ANKRD44: variants seen among roughly 807,000 people sequenced by gnomAD.
ANKRD44 encodes ankyrin repeat domain 44, also known as serine/threonine-protein phosphatase 6 regulatory ankyrin repeat subunit B.
Under a neutral mutation model 116.0 loss-of-function variants are expected in ANKRD44, and 35 were observed. That is an observed-to-expected ratio of 0.30 (90% confidence interval 0.23 to 0.40). The LOEUF (loss-of-function observed/expected upper bound fraction) is 0.40, where lower values mean the gene tolerates loss of function less well. Ranked by LOEUF, ANKRD44 falls within the 10% of genes least tolerant of loss-of-function variation. The pLI, the probability that ANKRD44 is intolerant of heterozygous loss-of-function variation, is 1.00. For synonymous variants in ANKRD44, 435 were observed against 461.8 expected (o/e 0.94, Z 0.74); for missense variants, 1,014 against 1,242.6 (o/e 0.82, Z 2.77).
chr2:197,075,676 A>G (rs1213807049), intron 16 of ANKRD44, among the ~76,000 whole-genome samples: 1 of 152,208 alleles, frequency 6.6e-6, no homozygotes, highest in Non-Finnish European at 1.5e-5. Context: ...CTAATTAAAT[A>G]TAAGTCTGTA....
At chr2:197,014,177 G>T (rs1012813241) in intron 17 of ANKRD44, among the ~76,000 whole-genome samples, 5 of 152,164 alleles carry the variant, frequency 3.3e-5, no homozygotes, top group Non-Finnish European at 7.3e-5. Context: ...TACAACAGAG[G>T]CATGTAGATG....
Position 197,125,873 on chromosome 2 carries a change from T to C in ANKRD44, c.426A>G (p.Thr142=). The change falls in exon 5 of 28, where the codon ACA becomes ACG. Residue 142 remains threonine (T), a synonymous_variant. Coordinates refer to ENST00000282272, the MANE Select transcript of ANKRD44 (RefSeq NM_001195144.2). ...CGTTCAGAGCCGCATGGTGCAAGGC[T>C]GTGCGCCCCCCTCGGTCGGAGACAT... ...SVNVSDRGGR[T]ALHHAALNGH... 3 of 1,614,198 alleles carry C rather than the reference T, an allele frequency of 1.9e-6. No individual in the cohort carries two copies. Among genetic ancestry groups the C allele is most frequent in the Non-Finnish European group, 2.5e-6 (3 of 1,180,044 alleles).
chr2:197,296,556 C>T (rs1405264094), intron 1 of ANKRD44: 1 of 152,192 alleles, frequency 6.6e-6, no homozygotes, highest in Admixed American at 6.5e-5. Flanking sequence ...CTCCTTCCCG[C>T]TCCTAATTCC....
At chr2:197,310,472 G>A (rs1242380215) in intron 1 of ANKRD44, 106 bp downstream of exon 1, 1 of 814,606 alleles carries the variant, frequency 1.2e-6, no homozygotes. Context: ...CCTTCGCCGC[G>A]AGTAAACAGC....
At chr2:197,207,363 A>G (rs555436357) in intron 1 of ANKRD44, among the ~76,000 whole-genome samples, 1 of 152,302 alleles carries the variant, frequency 6.6e-6, no homozygotes, top group South Asian at 2.1e-4. Context: ...CTTTTAGTCT[A>G]TCCCAGTGTA....
chr2:197,232,587 T>G (rs1048856875), intron 1 of ANKRD44, among the ~76,000 whole-genome samples: 4 of 152,228 alleles, frequency 2.6e-5, no homozygotes, highest in Non-Finnish European at 4.4e-5. Flanking sequence ...CAATTGTTTT[T>G]GAAAATCTCT....
At chr2:197,092,463 T>C (rs1168520247) in intron 10 of ANKRD44, among the ~76,000 whole-genome samples, 1 of 152,226 alleles carries the variant, frequency 6.6e-6, no homozygotes, top group Non-Finnish European at 1.5e-5. Context: ...AGACATTTCA[T>C]GGTATTCAGG....
chr2:197,287,143 T>A (rs2083429417), intron 1 of ANKRD44, among the ~76,000 whole-genome samples: 1 of 152,082 alleles, frequency 6.6e-6, no homozygotes, highest in Admixed American at 6.5e-5. Context: ...AATGTACCAC[T>A]CTAGTGGGGA....
intron 1 of ANKRD44, among the ~76,000 whole-genome samples, chr2:197,267,016 C>T (rs189782221): frequency 2.4e-4 from 36 of 152,302 alleles, no homozygotes; most frequent in African/African-American, 7.9e-4. Flanking sequence ...AACATATTCT[C>T]AGCACCTAGA....
intron 1 of ANKRD44, among the ~76,000 whole-genome samples, chr2:197,307,424 T>G (rs1366836): frequency 0.48 from 72,272 of 151,624 alleles, 18,332 homozygotes; most frequent in African/African-American, 0.66. Flanking sequence ...AAGGCTGCAA[T>G]AAAAATTATG....
intron 1 of ANKRD44, among the ~76,000 whole-genome samples, chr2:197,251,870 T>C (rs1289925950): frequency 6.6e-6 from 1 of 152,242 alleles, no homozygotes; most frequent in African/African-American, 2.4e-5. Context: ...TATAAAAATA[T>C]GAAAACGAAG....
At chr2:197,128,507 G>A (rs1267196894) in intron 4 of ANKRD44, among the ~76,000 whole-genome samples, 1 of 152,140 alleles carries the variant, frequency 6.6e-6, no homozygotes, top group African/African-American at 2.4e-5. Context: ...TGATAAATTT[G>A]TGTAAGTTCC....
rs374313668 is a variant in ANKRD44, at chr2:197,305,967, T to TTATATATATATATATATATA, written c.27+4591_27+4610dup. Among the ~76,000 whole-genome samples the TTATATATATATATATATATA allele has an allele frequency of 7.1e-4, 88 of 124,706 alleles. 1 individual carries two copies. Among genetic ancestry groups the TTATATATATATATATATATA allele is most frequent in the Admixed American group, 1.8e-3 (24 of 13,014 alleles). The allele number at this position is 124,706 out of a possible 152,430, so 81.8% of individuals were successfully genotyped here. A position where few individuals can be genotyped will look rare whatever the true frequency, so the allele number is the denominator to read the frequency against. On this transcript the variant is annotated intron_variant, in intron 1 of 27. Coordinates refer to ENST00000282272, the MANE Select transcript of ANKRD44 (RefSeq NM_001195144.2). ...TTTCCTATAATGACCGCAGTTCGTT[T>TTATATATATATATATATATA]TATATATATATATATATATATATAT...
At chr2:197,308,709 T>A (rs978716748) in intron 1 of ANKRD44, among the ~76,000 whole-genome samples, 5 of 152,238 alleles carry the variant, frequency 3.3e-5, no homozygotes, top group Admixed American at 6.5e-5. Context: ...AAAGGCAACA[T>A]CTTTGAAATT....
intron 8 of ANKRD44, among the ~76,000 whole-genome samples, chr2:197,115,807 GA>G: frequency 6.6e-6 from 1 of 152,312 alleles, no homozygotes; most frequent in African/African-American, 2.4e-5. Flanking sequence ...TGGCTCTATG[GA>G]AATGTTAGAT....
chr2:197,007,155 CAT>C (rs2076216366), intron 20 of ANKRD44, among the ~76,000 whole-genome samples: 1 of 150,604 alleles, frequency 6.6e-6, no homozygotes, highest in African/African-American at 2.4e-5. Flanking sequence ...CCACAGGATA[CAT>C]ATTTTGGCAT....
At chr2:197,257,928 A>G (rs912470710) in intron 1 of ANKRD44, among the ~76,000 whole-genome samples, 2 of 151,954 alleles carry the variant, frequency 1.3e-5, no homozygotes, top group Non-Finnish European at 2.9e-5. Context: ...CCACTATTCT[A>G]CTTCCTGTCT....
At chr2:197,145,669 C>CTTTT (rs2079482448) in intron 3 of ANKRD44, among the ~76,000 whole-genome samples, 5 of 152,294 alleles carry the variant, frequency 3.3e-5, no homozygotes, top group Admixed American at 1.3e-4. Flanking sequence ...CCTGGGGAAA[C>CTTTT]CCACCTCAAG....
At chr2:197,122,876 G>A in intron 6 of ANKRD44, 84 bp from the exon 7 acceptor site, 1 of 1,482,378 alleles carries the variant, frequency 6.7e-7, no homozygotes, top group Non-Finnish European at 9.1e-7. Flanking sequence ...TCAACTATTA[G>A]CTTTCATCGC....
Sources: allele counts gnomAD v4.1 joint callset (sites outside exome capture counted in the v4.1 genomes callset), GRCh38; gene constraint gnomAD v4.1.1; transcripts MANE v1.5; gene names NCBI Gene and HGNC (gene_info 2026-07-23, HGNC 2026-07-21).